The following FAM120B variants were observed in gnomAD, a reference collection of about 807,000 sequenced individuals.
The protein encoded by FAM120B is family with sequence similarity 120 member B, also known as constitutive coactivator of peroxisome proliferator-activated receptor gamma.
A neutral mutation model predicts 96.3 loss-of-function variants in FAM120B; 83 were observed. The ratio of observed to expected loss-of-function variants is 0.86; its 90% CI spans 0.72 to 1.03. The LOEUF is 1.03. FAM120B is among the 50% of genes least tolerant of loss of function. FAM120B has a pLI of 0.00. For synonymous variants in FAM120B, 407 were observed against 402.7 expected (o/e 1.01, Z -0.13); for missense variants, 1,027 against 1,121.2 (o/e 0.92, Z 1.20).
intron 9 of FAM120B, among the ~76,000 whole-genome samples, chr6:170,397,834 G>A (rs1362012617): frequency 6.6e-6 from 1 of 152,198 alleles, no homozygotes; most frequent in South Asian, 2.1e-4. Flanking sequence ...GGATTCAGCA[G>A]AACCCACCTG....
At chr6:170,401,936 G>C (rs1421030423) in intron 9 of FAM120B, among the ~76,000 whole-genome samples, 1 of 92,588 alleles carries the variant, frequency 1.1e-5, no homozygotes, top group Non-Finnish European at 2.6e-5. Flanking sequence ...GTGTGGCTTT[G>C]GATGCATGAG....
intron 1 of FAM120B, 147 bp from the exon 2 acceptor site, chr6:170,317,223 A>C (rs1784954032): frequency 3.2e-6 from 2 of 623,306 alleles, no homozygotes; most frequent in African/African-American, 3.7e-5. Flanking sequence ...GAGAACTCTT[A>C]AGGCTCCTAA....
At chr6:170,340,554 C>G (rs547168972) in intron 4 of FAM120B, among the ~76,000 whole-genome samples, 57 of 152,194 alleles carry the variant, frequency 3.7e-4, no homozygotes, top group Non-Finnish European at 6.0e-4. Flanking sequence ...GAGTTGCGAT[C>G]ATTTAGAGAA....
intron 8 of FAM120B, among the ~76,000 whole-genome samples, chr6:170,395,236 A>G (rs1431239599): frequency 1.3e-5 from 2 of 152,122 alleles, no homozygotes; most frequent in Non-Finnish European, 2.9e-5. Context: ...CTTTGTTTGC[A>G]GAGTCCGACC....
intron 6 of FAM120B, among the ~76,000 whole-genome samples, chr6:170,371,838 G>A (rs1326204960): frequency 6.6e-5 from 10 of 152,306 alleles, no homozygotes; most frequent in Admixed American, 3.9e-4. Context: ...CAAGAGCAGC[G>A]CCTGGCGCCA....
chr6:170,310,815 T>C (rs1784546350), intron 1 of FAM120B, among the ~76,000 whole-genome samples: 1 of 152,236 alleles, frequency 6.6e-6, no homozygotes, highest in South Asian at 2.1e-4. Flanking sequence ...CTCAGAGGAC[T>C]CCGAGTCTTT....
intron 5 of FAM120B, among the ~76,000 whole-genome samples, 181 bp downstream of exon 5, chr6:170,348,504 A>G (rs1204829177): frequency 1.3e-5 from 2 of 152,222 alleles, no homozygotes; most frequent in Non-Finnish European, 2.9e-5. Flanking sequence ...CAAAATACGT[A>G]CAAGAAACTC....
chr6:170,344,377 T>C (rs1312652460), intron 4 of FAM120B, among the ~76,000 whole-genome samples: 1 of 106,444 alleles, frequency 9.4e-6, no homozygotes, highest in Non-Finnish European at 1.9e-5. Context: ...ACCTGCACCG[T>C]TGCCTGCGGT....
upstream of FAM120B, among the ~76,000 whole-genome samples, chr6:170,302,271 A>G (rs911051023): frequency 1.3e-5 from 2 of 152,186 alleles, no homozygotes; most frequent in Non-Finnish European, 2.9e-5. Context: ...AAAGCCCCTT[A>G]TAAAACCATC....
At chr6:170,397,272 A>G (rs1340281069) in intron 9 of FAM120B, among the ~76,000 whole-genome samples, 1 of 152,120 alleles carries the variant, frequency 6.6e-6, no homozygotes, top group Non-Finnish European at 1.5e-5. Context: ...CTTAGGTCCA[A>G]ATGGGTGGGT....
chr6:170,308,345 A>C (rs1784407195), intron 1 of FAM120B, among the ~76,000 whole-genome samples: 1 of 148,782 alleles, frequency 6.7e-6, no homozygotes. Flanking sequence ...CCCCACACAC[A>C]CCCCATTTTG....
intron 6 of FAM120B, among the ~76,000 whole-genome samples, chr6:170,384,752 G>A (rs889950363): frequency 2.3e-4 from 35 of 152,222 alleles, no homozygotes; most frequent in Non-Finnish European, 4.3e-4. Flanking sequence ...CCTTTGGCCT[G>A]CTTTTGTGTG....
intron 1 of FAM120B, among the ~76,000 whole-genome samples, chr6:170,315,472 A>G (rs1784846000): frequency 6.6e-6 from 1 of 152,144 alleles, no homozygotes; most frequent in South Asian, 2.1e-4. Flanking sequence ...ATGCCATAGA[A>G]CCACCTTACA....
At chr6:170,394,488 G>A (rs545735866) in intron 8 of FAM120B, among the ~76,000 whole-genome samples, 6 of 146,750 alleles carry the variant, frequency 4.1e-5, no homozygotes, top group African/African-American at 7.5e-5. Context: ...CGTGGACACC[G>A]CAGCATGCCA....
chr6:170,376,890 G>C (rs11968544), intron 6 of FAM120B, among the ~76,000 whole-genome samples: 13,189 of 132,550 alleles, frequency 0.1, 1,320 homozygotes, highest in East Asian at 0.55. Context: ...TGTAGAGCAA[G>C]CGGGGAATGC....
chr6:170,406,797 C>T lies in FAM120B; in HGVS notation c.*2046C>T, dbSNP rs1778818359. On this transcript the variant is annotated 3_prime_UTR_variant, in exon 11 of 11. Transcript: ENST00000476287. Reference sequence around the variant, plus strand: ...TTGTATAACTTTGAAATAAATTCCTCATCCCTTAGACTAAGAGAGTGGGTG... The same window carrying T: ...TTGTATAACTTTGAAATAAATTCCTTATCCCTTAGACTAAGAGAGTGGGTG... 2 of 152,204 alleles carry T rather than the reference C, an allele frequency of 1.3e-5. No individual in the cohort carries two copies. Among genetic ancestry groups the T allele is most frequent in the Admixed American group, 1.3e-4 (2 of 15,284 alleles). The allele number at this position is 152,204 out of a possible 1,614,324, so 9.4% of individuals were successfully genotyped here. A position where few individuals can be genotyped will look rare whatever the true frequency, so the allele number is the denominator to read the frequency against.
At position 170,318,086 on chromosome 6, in the gene FAM120B, CATA is replaced by C; in HGVS notation, c.699_701del (p.Ile234del). 6.2e-7 allele frequency: 1 copy of C among 1,614,202 alleles called. No individual in the cohort carries two copies. The highest frequency in any genetic ancestry group is 8.5e-7 in the Non-Finnish European group (1 of 1,180,042). ...TTCTGGCCTGCCTCCTTGGCAACGA[CATA>C]ATCCCAGAGGGCATGTTTGAAAGCT... On this transcript the variant is annotated inframe_deletion, in exon 2 of 11. Coordinates refer to ENST00000476287, the MANE Select transcript of FAM120B (RefSeq NM_032448.3).
At position 170,363,876 on chromosome 6, in the gene FAM120B, G is replaced by A. The variant is rs1222186227; in HGVS notation, c.2283+5558G>A. On this transcript the variant is annotated intron_variant, in intron 6 of 10. Transcript: ENST00000476287. The surrounding 1 kb of genome is among the most constrained non-coding windows in gnomAD (Gnocchi z 4.5). Reference sequence around the variant, plus strand: ...GCCTCCCGAGTAGCTGGGATTACGGGCATGCACCACCACACCCAGCTAATT... The same window carrying A: ...GCCTCCCGAGTAGCTGGGATTACGGACATGCACCACCACACCCAGCTAATT... Among the ~76,000 whole-genome samples, 1 of 152,020 alleles carries A rather than the reference G, an allele frequency of 6.6e-6. No homozygotes were observed. Among genetic ancestry groups the A allele is most frequent in the African/African-American group, 2.4e-5 (1 of 41,402 alleles).
chr6:170,322,956 G>C lies in FAM120B; in HGVS notation c.1735-123G>C, dbSNP rs187776926. 1.4e-4 allele frequency: 105 copies of C among 734,152 alleles called. 2 individuals carry two copies. The East Asian group carries it at 1.9e-3, about 13-fold the overall frequency. 45.5% of individuals were successfully genotyped at this position (734,152 alleles called of 1,614,324 possible). On this transcript the variant is annotated intron_variant, in intron 2 of 10. Coordinates refer to ENST00000476287, the MANE Select transcript of FAM120B (RefSeq NM_032448.3). Reference sequence around the variant, plus strand: ...GGCAACTTGATGTCATGAATTTCAGGGTCAGTTACATTTCTGAGGGCCTTA... The same window carrying C: ...GGCAACTTGATGTCATGAATTTCAGCGTCAGTTACATTTCTGAGGGCCTTA...
Sources: gnomAD v4.1 joint callset for allele counts (sites outside exome capture counted in the v4.1 genomes callset) on GRCh38, gnomAD v4.1.1 for gene constraint, Gnocchi (gnomAD v3.1) non-coding constraint, MANE v1.5 for transcripts, NCBI Gene and HGNC (gene_info 2026-07-23, HGNC 2026-07-21) for gene names.